The following CNTN6 variants were observed in gnomAD, a reference collection of about 807,000 sequenced individuals.
CNTN6 encodes the protein contactin 6.
CNTN6 carries 137 observed loss-of-function variants against 122.8 expected under a neutral mutation model. That is an observed-to-expected ratio of 1.12 (90% confidence interval 0.97 to 1.29). The LOEUF (loss-of-function observed/expected upper bound fraction) is 1.29. Among genes scored for constraint, CNTN6 ranks in the 50% most tolerant of loss-of-function variants. The pLI, the probability that CNTN6 is intolerant of heterozygous loss-of-function variation, is 0.00. For missense variants in CNTN6, 1,634 were observed against 1,223.4 expected, an observed-to-expected ratio of 1.34 and a Z score of -5.01; for synonymous variants, 570 against 426.0, an observed-to-expected ratio of 1.34 and a Z score of -4.16.
intron 4 of CNTN6, among the ~76,000 whole-genome samples, chr3:1,240,846 C>A (rs1703155): frequency 6.6e-6 from 1 of 151,944 alleles, no homozygotes; most frequent in African/African-American, 2.4e-5. Flanking sequence ...TGGGTGCAGG[C>A]GGGCTGAGTC....
chr3:1,362,232 T>C (rs9848853), intron 12 of CNTN6, among the ~76,000 whole-genome samples: 4,709 of 152,126 alleles, frequency 0.031, 250 homozygotes, highest in African/African-American at 0.11. Context: ...TATAACACTA[T>C]AAAATCACTT....
At chr3:1,292,317 A>C (rs763125111) in intron 5 of CNTN6, among the ~76,000 whole-genome samples, 14 of 152,080 alleles carry the variant, frequency 9.2e-5, no homozygotes, top group Non-Finnish European at 1.8e-4. Flanking sequence ...TTTTTTCCAG[A>C]GGCAAAATCA....
Position 1,386,815 on chromosome 3 carries a change from G to GTAGTC in CNTN6, c.2704+1021_2704+1025dup, listed in dbSNP as rs1297402010. 2.1e-5 allele frequency among the ~76,000 whole-genome samples: 3 copies of GTAGTC among 142,900 alleles called. No individual in the cohort carries two copies. In the East Asian group the frequency reaches 5.9e-4, roughly 28 times the overall value. The allele number at this position is 142,900 out of a possible 152,430, so 93.7% of individuals were successfully genotyped here. On this transcript the variant is annotated intron_variant, in intron 20 of 22. Transcript: ENST00000446702. ...AAAATCTAGTTTACCTATACATGCC[G>GTAGTC]TAGTCTAATTACACCACCATATTTG...
chr3:1,152,063 CTT>C (rs2092855912), intron 2 of CNTN6, among the ~76,000 whole-genome samples: 1 of 152,116 alleles, frequency 6.6e-6, no homozygotes, highest in African/African-American at 2.4e-5. Flanking sequence ...TGTAAGTCTA[CTT>C]TTTGTCTTTG....
intron 2 of CNTN6, among the ~76,000 whole-genome samples, chr3:1,196,222 T>G (rs548127281): frequency 6.6e-6 from 1 of 152,334 alleles, no homozygotes; most frequent in African/African-American, 2.4e-5. Flanking sequence ...CCTTCTTTCC[T>G]TCTTTAGTGT....
intron 11 of CNTN6, among the ~76,000 whole-genome samples, chr3:1,331,099 T>C (rs1212481347): frequency 6.6e-6 from 1 of 151,842 alleles, no homozygotes; most frequent in Non-Finnish European, 1.5e-5. Flanking sequence ...AAAGCAGGGG[T>C]CTCTGTGGTT....
intron 20 of CNTN6, among the ~76,000 whole-genome samples, chr3:1,398,988 C>T (rs1695323931): frequency 2.0e-5 from 3 of 152,080 alleles, no homozygotes; most frequent in Admixed American, 1.3e-4. Flanking sequence ...GCAAACTGCT[C>T]CTTTACATAG....
At chr3:1,227,742 A>G in intron 3 of CNTN6, 76 bp from the exon 4 acceptor site, 11 of 1,441,294 alleles carry the variant, frequency 7.6e-6, no homozygotes, top group Non-Finnish European at 1.1e-5. Context: ...TGCAGGAATT[A>G]GAACTACATG....
chr3:1,224,837 C>G (rs1287213227), intron 3 of CNTN6, among the ~76,000 whole-genome samples: 1 of 152,092 alleles, frequency 6.6e-6, no homozygotes, highest in Non-Finnish European at 1.5e-5. Context: ...CCTCTGTCTC[C>G]CAGACTCAAG....
chr3:1,307,510 C>T (rs1008158169), intron 7 of CNTN6, among the ~76,000 whole-genome samples: 1 of 152,040 alleles, frequency 6.6e-6, no homozygotes, highest in Non-Finnish European at 1.5e-5. Context: ...TAACATCTTA[C>T]GTTATTATGA....
chr3:1,300,897 A>G (rs989122961), intron 7 of CNTN6, among the ~76,000 whole-genome samples: 7 of 152,002 alleles, frequency 4.6e-5, no homozygotes, highest in Admixed American at 1.3e-4. Context: ...GGGATATATG[A>G]GGTATGTGGA....
chr3:1,347,728 A>C (rs1018473199), intron 11 of CNTN6, among the ~76,000 whole-genome samples: 2 of 152,168 alleles, frequency 1.3e-5, no homozygotes, highest in African/African-American at 4.8e-5. Context: ...CTAGCATTTA[A>C]TTAACTTTTA....
chr3:1,267,001 C>T (rs1425840792), intron 4 of CNTN6, among the ~76,000 whole-genome samples: 2 of 136,348 alleles, frequency 1.5e-5, no homozygotes, highest in Non-Finnish European at 3.0e-5. Context: ...CTGTAACCTG[C>T]GACCCCCAGG....
At position 1,388,314 on chromosome 3, in the gene CNTN6, C is replaced by T. The variant is rs1032889811; in HGVS notation, c.2704+2517C>T. ...CCAGCAGGGGCACACTGACACCTCACACGGCAGGGTATGCCAACAGACCTG... is the reference window on the plus strand; with the variant it reads ...CCAGCAGGGGCACACTGACACCTCATACGGCAGGGTATGCCAACAGACCTG... On this transcript the variant is annotated intron_variant, in intron 20 of 22. Coordinates refer to ENST00000446702, the MANE Select transcript of CNTN6 (RefSeq NM_001289080.2). 7.5e-5 allele frequency among the ~76,000 whole-genome samples: 11 copies of T among 146,648 alleles called. 1 individual carries two copies. The highest frequency in any genetic ancestry group is 2.1e-4 in the Admixed American group (3 of 14,322).
At chr3:1,172,116 C>G (rs1575111557) in intron 2 of CNTN6, among the ~76,000 whole-genome samples, 1 of 152,286 alleles carries the variant, frequency 6.6e-6, no homozygotes, top group South Asian at 2.1e-4. Flanking sequence ...ATTAAATCCA[C>G]TCCCCTAAAG....
chr3:1,372,449 T>A lies in CNTN6; in HGVS notation c.1643T>A (p.Val548Glu), dbSNP rs982416423. 6.2e-7 allele frequency: 1 copy of A among 1,610,730 alleles called. No homozygotes were observed. The highest frequency in any genetic ancestry group is 8.5e-7 in the Non-Finnish European group (1 of 1,178,854). Residue 548 changes from valine to glutamate, a missense_variant, in exon 13 of 23, where the codon GTG (valine) becomes GAG (glutamate). By Grantham distance (121) the Val-to-Glu change is moderately radical. Coordinates refer to ENST00000446702, the MANE Select transcript of CNTN6 (RefSeq NM_001289080.2). ...NGDVIDLKKG[V>E]AHFERIGGES... The stretch of plus-strand genomic sequence containing the variant: ...GATGTCATAGACTTAAAAAAAGGAG[T>A]GGCTCATTTTGAAAGGATTGGAGGA...
At chr3:1,355,306 TATTA>T (rs1478468134) in intron 12 of CNTN6, among the ~76,000 whole-genome samples, 3 of 151,714 alleles carry the variant, frequency 2.0e-5, no homozygotes, top group Admixed American at 6.6e-5. Flanking sequence ...AAAGTTGCTT[TATTA>T]TTTATCTGTA....
Position 1,142,803 on chromosome 3 carries a change from C to T in CNTN6, c.-82-5124C>T, listed in dbSNP as rs979742040. 5.9e-5 allele frequency among the ~76,000 whole-genome samples: 9 copies of T among 151,844 alleles called. No individual in the cohort carries two copies. The East Asian group carries it at 1.7e-3, about 29-fold the overall frequency. ...TGGTCAGCAGGCTATGGTTTCCTGACCCTTGTTTTAGCCTTTAGAAAGGCA... is the reference window on the plus strand; with the variant it reads ...TGGTCAGCAGGCTATGGTTTCCTGATCCTTGTTTTAGCCTTTAGAAAGGCA... On this transcript the variant is annotated intron_variant, in intron 1 of 22. Transcript: ENST00000446702.
At chr3:1,160,223 T>C (rs964180423) in intron 2 of CNTN6, among the ~76,000 whole-genome samples, 1 of 151,752 alleles carries the variant, frequency 6.6e-6, no homozygotes, top group Non-Finnish European at 1.5e-5. Flanking sequence ...AACCTACCCA[T>C]GTAAGCAGCA....
Sources: allele counts gnomAD v4.1 joint callset (sites outside exome capture counted in the v4.1 genomes callset), GRCh38; gene constraint gnomAD v4.1.1; transcripts MANE v1.5; gene names NCBI Gene and HGNC (gene_info 2026-07-23, HGNC 2026-07-21).